Variants in TG observed in about 807,000 individuals in gnomAD.
TG encodes the protein thyroid hormones.
A neutral mutation model predicts 324.7 loss-of-function variants in TG; 270 were observed. The ratio of observed to expected loss-of-function variants is 0.83; its 90% CI spans 0.75 to 0.92. The LOEUF (loss-of-function observed/expected upper bound fraction) is 0.92. Ranked by LOEUF, TG falls within the 40% of genes least tolerant of loss-of-function variation. TG has a pLI of 0.00. For missense variants in TG, 3,591 were observed against 3,456.4 expected (o/e 1.04, Z -0.98); for synonymous variants, 1,401 against 1,327.0 (o/e 1.06, Z -1.21).
intron 26 of TG, among the ~76,000 whole-genome samples, chr8:132,946,067 CA>C (rs1563987991): frequency 0.1 from 13,655 of 136,834 alleles, 790 homozygotes; most frequent in Non-Finnish European, 0.14. Flanking sequence ...CACACACACA[CA>C]CACACCCTAT....
In TG at chr8:132,899,032, G is replaced by T. The variant is rs983921689; in HGVS notation, c.3330+122G>T. The T allele has an allele frequency of 8.0e-6, 7 of 874,364 alleles. No individual in the cohort carries two copies. In the African/African-American group the frequency reaches 1.0e-4, roughly 12 times the overall value. The allele number at this position is 874,364 out of a possible 1,614,324, so 54.2% of individuals were successfully genotyped here. The stretch of plus-strand genomic sequence containing the variant: ...CTCACATGATGTTCTCAGCCTGGGT[G>T]TTTGTCTGGGCCTGCTAGAACCTGG... On this transcript the variant is annotated intron_variant, in intron 14 of 47. Transcript: ENST00000220616.
intron 22 of TG, among the ~76,000 whole-genome samples, chr8:132,928,601 T>TAAA (rs967189583): frequency 2.6e-5 from 4 of 152,160 alleles, no homozygotes; most frequent in Non-Finnish European, 5.9e-5. Context: ...TAACCAATCT[T>TAAA]AAAAATGCCT....
At chr8:133,041,705 A>G (rs1201708803) in intron 41 of TG, among the ~76,000 whole-genome samples, 2 of 152,008 alleles carry the variant, frequency 1.3e-5, no homozygotes, top group Non-Finnish European at 2.9e-5. Flanking sequence ...ACCACCACTC[A>G]TAAGCACATA....
chr8:132,930,993 T>G (rs1363225282), intron 23 of TG, among the ~76,000 whole-genome samples: 2 of 152,224 alleles, frequency 1.3e-5, no homozygotes, highest in African/African-American at 4.8e-5. Flanking sequence ...AGCACTGTGT[T>G]AGTCTGTTTG....
At chr8:133,062,763 C>T (rs1238750218) in intron 41 of TG, among the ~76,000 whole-genome samples, 3 of 152,218 alleles carry the variant, frequency 2.0e-5, no homozygotes, top group African/African-American at 7.2e-5. Context: ...GGCTGTTCTG[C>T]ACAGGCCTTG....
At chr8:133,102,047 A>G (rs895655764) in intron 43 of TG, among the ~76,000 whole-genome samples, 21 of 152,228 alleles carry the variant, frequency 1.4e-4, no homozygotes, top group Non-Finnish European at 1.6e-4. Flanking sequence ...AAATTCAAAT[A>G]CACAACAATA....
intron 45 of TG, among the ~76,000 whole-genome samples, chr8:133,119,722 G>A (rs960629417): frequency 5.3e-5 from 8 of 152,168 alleles, no homozygotes; most frequent in African/African-American, 1.9e-4. Context: ...TCAGAGCATA[G>A]CAGAGTCTGA....
chr8:132,877,886 G>A (rs1242516042), intron 5 of TG, among the ~76,000 whole-genome samples: 1 of 152,086 alleles, frequency 6.6e-6, no homozygotes, highest in Admixed American at 6.5e-5. Flanking sequence ...CCAAAATATG[G>A]TATTTTTCAA....
At position 133,116,690 on chromosome 8, in the gene TG, T is replaced by C. The variant is rs1588131919; in HGVS notation, c.7836T>C (p.His2612=). The part of the protein sequence containing the change: ...KRARGNVFMY[H]APENYGHGSL... ...CCCGAGGAAACGTCTTCATGTACCA[T>C]GCTCCTGAAAACTACGGCCATGGCA... is the stretch of plus-strand genomic sequence containing the variant. Residue 2612 remains histidine (H), a synonymous_variant, in exon 45 of 48, where the codon CAT becomes CAC. Coordinates refer to ENST00000220616, the MANE Select transcript of TG (RefSeq NM_003235.5). The C allele has an allele frequency of 3.7e-6, 6 of 1,614,218 alleles. No individual in the cohort carries two copies. Among genetic ancestry groups the C allele is most frequent in the Non-Finnish European group, 5.1e-6 (6 of 1,180,040 alleles).
intron 42 of TG, among the ~76,000 whole-genome samples, 185 bp downstream of exon 42, chr8:133,095,393 C>A (rs961806028): frequency 6.6e-6 from 1 of 152,184 alleles, no homozygotes; most frequent in African/African-American, 2.4e-5. Flanking sequence ...TGCAACAGTC[C>A]AAACATGGGC....
Position 132,886,929 on chromosome 8 carries a change from C to T in TG, c.1557C>T (p.Ala519=). The change falls in exon 9 of 48, where the codon GCC becomes GCT. Residue 519 remains alanine, a synonymous_variant. Coordinates refer to ENST00000220616, the MANE Select transcript of TG (RefSeq NM_003235.5). The part of the protein sequence containing the change: ...FLNGGRQEDL[A]KPLSVGLDSN... ...ATGGAGGGAGACAAGAAGATTTGGC[C>T]AAGCCACTCTCTGTGGGATTAGATT... The T allele has an allele frequency of 6.2e-7, 1 of 1,608,970 alleles. No individual in the cohort carries two copies. Among genetic ancestry groups the T allele is most frequent in the South Asian group, 1.1e-5 (1 of 90,804 alleles).
intron 10 of TG, among the ~76,000 whole-genome samples, chr8:132,893,141 GTATT>G (rs1425363091): frequency 2.3e-5 from 3 of 132,854 alleles, no homozygotes; most frequent in Admixed American, 7.7e-5. Context: ...TGTGTGGTGT[GTATT>G]TGTGTGTATG....
intron 43 of TG, among the ~76,000 whole-genome samples, chr8:133,097,433 A>G (rs781743717): frequency 6.6e-6 from 1 of 152,188 alleles, no homozygotes; most frequent in Non-Finnish European, 1.5e-5. Flanking sequence ...ATTAACAGGG[A>G]AATGGTTGAC....
chr8:132,995,366 G>A, intron 35 of TG: 2 of 985,186 alleles, frequency 2.0e-6, no homozygotes, highest in Non-Finnish European at 2.4e-6. Context: ...TCAGACACAG[G>A]TCTCTAACGT....
chr8:132,905,692 C>T (rs926968984), intron 16 of TG, among the ~76,000 whole-genome samples: 3 of 152,048 alleles, frequency 2.0e-5, no homozygotes, highest in Non-Finnish European at 4.4e-5. Flanking sequence ...CCCTCTTTTT[C>T]CCTGTGGACT....
In TG at chr8:132,913,003, A is replaced by T. The variant is rs750338816; in HGVS notation, c.4160-44A>T. 4.0e-5 allele frequency: 64 copies of T among 1,590,070 alleles called. 2 individuals are homozygous for T. The South Asian group carries it at 5.6e-4, about 14-fold the overall frequency. On this transcript the variant is annotated intron_variant, in intron 19 of 47. Transcript: ENST00000220616. ...CTGCTTAATCCTCCCTGGCCCTAGCAGAGTACAGTGGGGGTGACCTCTACC... is the reference window on the plus strand; with the variant it reads ...CTGCTTAATCCTCCCTGGCCCTAGCTGAGTACAGTGGGGGTGACCTCTACC...
intron 36 of TG, 53 bp downstream of exon 36, chr8:133,012,088 G>A: frequency 6.2e-7 from 1 of 1,612,124 alleles, no homozygotes; most frequent in African/African-American, 1.3e-5. Flanking sequence ...TCACACAAGT[G>A]CTGCTCAAGA....
chr8:132,985,577 C>T (rs1248909677), intron 35 of TG, among the ~76,000 whole-genome samples: 1 of 152,118 alleles, frequency 6.6e-6, no homozygotes, highest in East Asian at 1.9e-4. Flanking sequence ...TTATTATGGC[C>T]ATGTAAATAT....
intron 38 of TG, among the ~76,000 whole-genome samples, chr8:133,019,221 C>A (rs796342204): frequency 6.6e-6 from 1 of 152,120 alleles, no homozygotes; most frequent in East Asian, 1.9e-4. Flanking sequence ...GGACTCTGTA[C>A]TGGTGTAGAA....
Sources: allele counts gnomAD v4.1 joint callset (sites outside exome capture counted in the v4.1 genomes callset), GRCh38; gene constraint gnomAD v4.1.1; transcripts MANE v1.5; gene names NCBI Gene and HGNC (gene_info 2026-07-23, HGNC 2026-07-21).